SND1: variants seen among roughly 807,000 people sequenced by gnomAD.
SND1 encodes the protein staphylococcal nuclease and tudor domain containing 1.
Under a neutral mutation model 121.7 loss-of-function variants are expected in SND1, and 38 were observed. That is an observed-to-expected ratio of 0.31 (90% CI 0.24 to 0.41). The LOEUF (loss-of-function observed/expected upper bound fraction) is 0.41, where lower values mean the gene tolerates loss of function less well. SND1 is among the 10% of genes least tolerant of loss of function. The pLI is 1.00. For missense variants in SND1, 868 were observed against 1,184.6 expected, an observed-to-expected ratio of 0.73 and a Z score of 3.92; for synonymous variants, 401 against 447.4, an observed-to-expected ratio of 0.90 and a Z score of 1.31.
chr7:127,999,244 T>C (rs1324909845), intron 16 of SND1: 2 of 152,168 alleles, frequency 1.3e-5, no homozygotes, highest in African/African-American at 4.8e-5. Flanking sequence ...AAGGATGTAA[T>C]TCTAGCCCAG....
chr7:127,825,768 G>A (rs1798633184), intron 11 of SND1, among the ~76,000 whole-genome samples: 1 of 152,112 alleles, frequency 6.6e-6, no homozygotes, highest in South Asian at 2.1e-4. Context: ...GATTATAAAA[G>A]CAATATATGT....
chr7:127,954,480 A>G (rs1047113744), intron 15 of SND1, among the ~76,000 whole-genome samples: 2 of 151,878 alleles, frequency 1.3e-5, no homozygotes, highest in African/African-American at 4.8e-5. Context: ...GACTCTGGGG[A>G]GATCATCTCA....
chr7:127,933,725 C>T lies in SND1; in HGVS notation c.1669+4396C>T, dbSNP rs561102960. ...TAGTGTTTTTATAACTAGAGTTTAC[C>T]TTGCCCCTCAATTTGGAGTGGCATG... On this transcript the variant is annotated intron_variant, in intron 15 of 23. Coordinates refer to ENST00000354725, the MANE Select transcript of SND1 (RefSeq NM_014390.4). 4.6e-5 allele frequency among the ~76,000 whole-genome samples: 7 copies of T among 152,308 alleles called. No individual in the cohort carries two copies. The South Asian group carries it at 1.5e-3, about 32-fold the overall frequency.
rs374509439 is a variant in SND1 at position 127,701,154 on chromosome 7, A to G, written c.429-9A>G. ...CACTAACCACTCTTGTTTATTTTTT[A>G]TGTCCCAGTCCTGAGCAGAACCGGC... is the stretch of plus-strand genomic sequence containing the variant. On this transcript the variant is annotated splice_polypyrimidine_tract_variant and intron_variant, in intron 4 of 23. Coordinates refer to ENST00000354725, the MANE Select transcript of SND1 (RefSeq NM_014390.4). 76 of 1,612,082 alleles carry G rather than the reference A, an allele frequency of 4.7e-5. No homozygotes were observed. Among genetic ancestry groups the G allele is most frequent in the Non-Finnish European group, 6.2e-5 (73 of 1,179,386 alleles).
At chr7:128,070,199 CCTT>C (rs1398041711) in intron 16 of SND1, among the ~76,000 whole-genome samples, 1 of 152,200 alleles carries the variant, frequency 6.6e-6, no homozygotes, top group Admixed American at 6.5e-5. Context: ...ACCACCTGCC[CCTT>C]CTTATAGTCT....
At chr7:127,665,623 C>T (rs1304777074) in intron 1 of SND1, among the ~76,000 whole-genome samples, 2 of 152,048 alleles carry the variant, frequency 1.3e-5, no homozygotes, top group Non-Finnish European at 2.9e-5. Context: ...AGACTTTATT[C>T]AAGGAGGGCT....
At chr7:127,785,385 T>C (rs968109224) in intron 10 of SND1, among the ~76,000 whole-genome samples, 1 of 152,218 alleles carries the variant, frequency 6.6e-6, no homozygotes, top group African/African-American at 2.4e-5. Context: ...AGAAGTGATA[T>C]TGATTCATCT....
chr7:127,821,527 T>C (rs1489560465), intron 11 of SND1, among the ~76,000 whole-genome samples: 1 of 152,232 alleles, frequency 6.6e-6, no homozygotes, highest in Non-Finnish European at 1.5e-5. Flanking sequence ...CCTTGTTTTT[T>C]TCTGTTTCTT....
rs562789353 is a variant in SND1, at chr7:128,053,465, CA to C, written c.1780-21029del. 3.6e-4 allele frequency among the ~76,000 whole-genome samples: 54 copies of C among 151,602 alleles called. 1 individual carries two copies. Among genetic ancestry groups the C allele is most frequent in the Admixed American group, 5.2e-4 (8 of 15,246 alleles). ...AGGAGTCTGAGTGACTCTCAGGGTTCAAAAAAAATGGTGCAGGAGGCCAGAG... is the reference window on the plus strand; with the variant it reads ...AGGAGTCTGAGTGACTCTCAGGGTTCAAAAAAATGGTGCAGGAGGCCAGAG... On this transcript the variant is annotated intron_variant, in intron 16 of 23. Coordinates refer to ENST00000354725, the MANE Select transcript of SND1 (RefSeq NM_014390.4).
intron 15 of SND1, among the ~76,000 whole-genome samples, chr7:127,939,512 T>G (rs1801138525): frequency 6.6e-6 from 1 of 152,200 alleles, no homozygotes. Flanking sequence ...AGATGAATTC[T>G]TGCCCTCCTG....
chr7:127,984,923 T>G (rs538728496), intron 15 of SND1, among the ~76,000 whole-genome samples: 4 of 152,218 alleles, frequency 2.6e-5, no homozygotes, highest in Non-Finnish European at 5.9e-5. Flanking sequence ...GCTTATTGCC[T>G]CCTTCCTCTG....
chr7:127,920,017 G>A (rs1466909891), intron 14 of SND1, among the ~76,000 whole-genome samples: 1 of 152,100 alleles, frequency 6.6e-6, no homozygotes, highest in African/African-American at 2.4e-5. Flanking sequence ...CTGTGTTTGA[G>A]TAGATACAAT....
At chr7:127,715,186 G>A (rs903481006) in intron 9 of SND1, among the ~76,000 whole-genome samples, 7 of 150,026 alleles carry the variant, frequency 4.7e-5, no homozygotes, top group South Asian at 4.2e-4. Flanking sequence ...TATAGTGGCC[G>A]CCCTAATAGG....
At chr7:128,030,883 A>G (rs974404701) in intron 16 of SND1, 3 of 452,584 alleles carry the variant, frequency 6.6e-6, no homozygotes, top group Non-Finnish European at 1.2e-5. Context: ...CCACACTGCA[A>G]CCGTCCCCAC....
chr7:128,051,718 G>T (rs959001175), intron 16 of SND1, among the ~76,000 whole-genome samples: 5 of 152,194 alleles, frequency 3.3e-5, no homozygotes, highest in African/African-American at 1.2e-4. Context: ...ACTCGGGATG[G>T]AAAGAAAGGA....
intron 22 of SND1, 181 bp downstream of exon 22, chr7:128,089,873 A>C (rs1793748614): frequency 1.6e-6 from 1 of 616,862 alleles, no homozygotes; most frequent in Non-Finnish European, 2.8e-6. Flanking sequence ...TTACATCCCA[A>C]ATTAATTGGC....
At position 128,083,648 on chromosome 7, in the gene SND1, C is replaced by T. The variant is rs540289742; in HGVS notation, c.2111-1076C>T. 5.3e-5 allele frequency among the ~76,000 whole-genome samples: 8 copies of T among 152,338 alleles called. No homozygotes were observed. In the South Asian group the frequency reaches 1.4e-3, roughly 28 times the overall value. ...CCTGAAGGAGCTCACAGTATAGTAGCAGGGAACTTATAAGGCTGACTGTGG... is the reference window on the plus strand; with the variant it reads ...CCTGAAGGAGCTCACAGTATAGTAGTAGGGAACTTATAAGGCTGACTGTGG... On this transcript the variant is annotated intron_variant, in intron 18 of 23. Coordinates refer to ENST00000354725, the MANE Select transcript of SND1 (RefSeq NM_014390.4).
At chr7:127,807,606 G>A (rs1174188480) in intron 11 of SND1, 33 bp downstream of exon 11, 3 of 1,554,380 alleles carry the variant, frequency 1.9e-6, no homozygotes, top group South Asian at 1.1e-5. Flanking sequence ...ATATTTGCAA[G>A]TGGTTGGGCT....
intron 12 of SND1, among the ~76,000 whole-genome samples, chr7:127,874,886 C>A (rs1322365922): frequency 6.6e-6 from 1 of 152,070 alleles, no homozygotes; most frequent in African/African-American, 2.4e-5. Context: ...TATGCTAATA[C>A]ATTTTTAATG....
Sources: gnomAD v4.1 joint callset for allele counts (sites outside exome capture counted in the v4.1 genomes callset) on GRCh38, gnomAD v4.1.1 for gene constraint, MANE v1.5 for transcripts, NCBI Gene and HGNC (gene_info 2026-07-23, HGNC 2026-07-21) for gene names.